The following SAP130 variants were observed in gnomAD, a reference collection of about 807,000 sequenced individuals.
SAP130 encodes histone deacetylase complex subunit SAP130.
SAP130 carries 16 observed loss-of-function variants against 103.2 expected under a neutral mutation model. That is an observed-to-expected ratio of 0.16 (90% CI 0.10 to 0.24). SAP130 has a LOEUF of 0.24. Ranked by LOEUF, SAP130 falls within the 10% of genes least tolerant of loss-of-function variation. The pLI is 1.00. For missense variants in SAP130, 990 were observed against 1,359.7 expected (o/e 0.73, Z 4.28); for synonymous variants, 477 against 497.0 (o/e 0.96, Z 0.53).
chr2:128,005,460 C>T (rs1035458735), intron 7 of SAP130, among the ~76,000 whole-genome samples: 1 of 151,638 alleles, frequency 6.6e-6, no homozygotes, highest in Non-Finnish European at 1.5e-5. Flanking sequence ...ACTAAAAATA[C>T]AAAAATTAGC....
chr2:127,993,263 G>T lies in SAP130; in HGVS notation c.1401C>A (p.Pro467=). 1 of 1,613,940 alleles carries T rather than the reference G, an allele frequency of 6.2e-7. No homozygotes were observed. Among genetic ancestry groups the T allele is most frequent in the Non-Finnish European group, 8.5e-7 (1 of 1,179,958 alleles). Residue 467 remains proline, a synonymous_variant, in exon 12 of 21, where the codon CCC becomes CCA. Transcript: ENST00000643581. The stretch of plus-strand genomic sequence containing the variant: ...GTGCCGCCAGTGGGTATGCAGAAGG[G>T]GGGTAAGTTGGCAAAAAATATTGGA... The part of the protein sequence containing the change: ...VQFQYFLPTY[P]PSAYPLAAHT...
At chr2:128,018,682 T>C (rs1684952107) in intron 2 of SAP130, among the ~76,000 whole-genome samples, 1 of 151,152 alleles carries the variant, frequency 6.6e-6, no homozygotes, top group Non-Finnish European at 1.5e-5. Flanking sequence ...ATCCCAGCTA[T>C]ATTGGAGGCA....
At chr2:128,027,067 C>T in intron 1 of SAP130, 1 of 1,412,562 alleles carries the variant, frequency 7.1e-7, no homozygotes. Context: ...GACCCGACCA[C>T]AAGACGAGCA....
At position 127,956,630 on chromosome 2, in the gene SAP130, C is replaced by T. The variant is rs547336702; in HGVS notation, c.2064-1286G>A. ...TGATGAGTTAATGGGTGCAGCACACCGACATGGCGCATGTAGACATATGTA... is the reference window on the plus strand; with the variant it reads ...TGATGAGTTAATGGGTGCAGCACACTGACATGGCGCATGTAGACATATGTA... On this transcript the variant is annotated intron_variant, in intron 15 of 20. Coordinates refer to ENST00000643581, the MANE Select transcript of SAP130 (RefSeq NM_001330301.2). Among the ~76,000 whole-genome samples the T allele has an allele frequency of 1.5e-3, 227 of 149,856 alleles. 1 individual carries two copies. Among genetic ancestry groups the T allele is most frequent in the African/African-American group, 5.4e-3 (217 of 40,526 alleles).
intron 16 of SAP130, among the ~76,000 whole-genome samples, chr2:127,952,261 G>T (rs904749922): frequency 1.3e-5 from 2 of 151,936 alleles, no homozygotes; most frequent in African/African-American, 4.8e-5. Flanking sequence ...GACCAGCCTG[G>T]CCAACATGGT....
chr2:127,957,928 T>A (rs868395325), intron 15 of SAP130, among the ~76,000 whole-genome samples: 3 of 152,176 alleles, frequency 2.0e-5, no homozygotes, highest in Middle Eastern at 6.8e-3. Flanking sequence ...GGAAATTGAG[T>A]AGCAGAAAAC....
Position 127,942,467 on chromosome 2 carries a change from G to A in SAP130, c.2972C>T (p.Ala991Val), listed in dbSNP as rs1678776885. 1.2e-6 allele frequency: 2 copies of A among 1,613,776 alleles called. No individual in the cohort carries two copies. Among genetic ancestry groups the A allele is most frequent in the Non-Finnish European group, 1.7e-6 (2 of 1,179,822 alleles). Residue 991 changes from alanine to valine, a missense_variant, in exon 20 of 21, where the codon GCA becomes GTA. Coordinates refer to ENST00000643581, the MANE Select transcript of SAP130 (RefSeq NM_001330301.2). This position sits in a 1 kb window ranked among gnomAD's most constrained non-coding sequence, Gnocchi z 4.8. ...TCGGTGGAGATCATCATCTGTTGCTGCTTTTTTCTTTGGGATAATCCCTTC... is the reference window on the plus strand; with the variant it reads ...TCGGTGGAGATCATCATCTGTTGCTACTTTTTTCTTTGGGATAATCCCTTC... ...LQEGIIPKKKAATDDDLHRIN... is the reference protein window; with the variant it reads ...LQEGIIPKKKVATDDDLHRIN...
intron 7 of SAP130, among the ~76,000 whole-genome samples, chr2:128,001,129 T>C (rs900269072): frequency 1.3e-5 from 2 of 152,310 alleles, no homozygotes; most frequent in Middle Eastern, 3.4e-3. Flanking sequence ...AAGTTAGTTA[T>C]GGCTGCCTCA....
chr2:127,993,837 C>A (rs1447482638), intron 11 of SAP130, among the ~76,000 whole-genome samples: 1 of 152,176 alleles, frequency 6.6e-6, no homozygotes, highest in Non-Finnish European at 1.5e-5. Flanking sequence ...TACACTATAA[C>A]CTTGAACTCC....
chr2:127,943,504 C>T (rs1166848184), intron 19 of SAP130, among the ~76,000 whole-genome samples: 2 of 152,162 alleles, frequency 1.3e-5, no homozygotes, highest in African/African-American at 4.8e-5. Context: ...TTATGAACTA[C>T]CACATATTTA....
At chr2:128,023,097 T>C (rs1481186552) in intron 2 of SAP130, among the ~76,000 whole-genome samples, 1 of 151,764 alleles carries the variant, frequency 6.6e-6, no homozygotes, top group Non-Finnish European at 1.5e-5. Context: ...AAAGTTCAAG[T>C]GACTGTCCTG....
chr2:127,959,529 C>A (rs1447036171), intron 15 of SAP130, among the ~76,000 whole-genome samples: 1 of 152,224 alleles, frequency 6.6e-6, no homozygotes, highest in African/African-American at 2.4e-5. Flanking sequence ...CTTCACTGAT[C>A]ACCTGGCAGT....
At chr2:127,962,931 C>T (rs1199149146) in intron 15 of SAP130, among the ~76,000 whole-genome samples, 1 of 148,278 alleles carries the variant, frequency 6.7e-6, no homozygotes, top group African/African-American at 2.5e-5. Context: ...ATAGAATAAA[C>T]TAGAAATAAT....
At chr2:127,985,639 A>T (rs1004257389) in intron 14 of SAP130, among the ~76,000 whole-genome samples, 7 of 152,068 alleles carry the variant, frequency 4.6e-5, no homozygotes, top group African/African-American at 1.7e-4. Flanking sequence ...ATAGAAGGGG[A>T]GTAGGGAAGT....
chr2:127,975,246 C>T (rs570887988), intron 15 of SAP130, among the ~76,000 whole-genome samples: 1 of 152,044 alleles, frequency 6.6e-6, no homozygotes, highest in Non-Finnish European at 1.5e-5. Context: ...TAGTGATAAA[C>T]CAATGTGAAA....
In SAP130 at chr2:127,941,945, T is replaced by TCCCCC; in HGVS notation, c.*56_*60dup. 4 of 187,866 alleles carry TCCCCC rather than the reference T, an allele frequency of 2.1e-5. No homozygotes were observed. Among genetic ancestry groups the TCCCCC allele is most frequent in the Admixed American group, 9.9e-5 (1 of 10,084 alleles). The allele number at this position is 187,866 out of a possible 1,614,324, so 11.6% of individuals were successfully genotyped here. A position where few individuals can be genotyped will look rare whatever the true frequency, so the allele number is the denominator to read the frequency against. On this transcript the variant is annotated 3_prime_UTR_variant, in exon 21 of 21. Coordinates refer to ENST00000643581, the MANE Select transcript of SAP130 (RefSeq NM_001330301.2). ...TCCACTTTGGAAAAAACCAAAACCC[T>TCCCCC]CCCCCCACCCCCACCATCATTCTTC...
intron 15 of SAP130, among the ~76,000 whole-genome samples, chr2:127,963,269 A>T (rs879693678): frequency 1.3e-5 from 2 of 152,060 alleles, no homozygotes; most frequent in African/African-American, 2.4e-5. Context: ...TCACTCTATC[A>T]CCCAGACTGG....
At chr2:127,947,754 TTGTGTGTGTC>T (rs1679185736) in intron 18 of SAP130, among the ~76,000 whole-genome samples, 3 of 28,640 alleles carry the variant, frequency 1.0e-4, no homozygotes, top group African/African-American at 2.4e-4. Flanking sequence ...TAATTTTGTA[TTGTGTGTGTC>T]TGTGTGTGTG....
chr2:127,952,097 A>G (rs971176914), intron 16 of SAP130, among the ~76,000 whole-genome samples: 3 of 152,106 alleles, frequency 2.0e-5, no homozygotes, highest in Non-Finnish European at 4.4e-5. Flanking sequence ...TGCATCATCA[A>G]TTCTTCTCAC....
Sources: gnomAD v4.1 joint callset for allele counts (sites outside exome capture counted in the v4.1 genomes callset) on GRCh38, gnomAD v4.1.1 for gene constraint, Gnocchi (gnomAD v3.1) non-coding constraint, MANE v1.5 for transcripts, NCBI Gene and HGNC (gene_info 2026-07-23, HGNC 2026-07-21) for gene names.